Variants in HAUS2 observed in about 807,000 individuals in gnomAD.
HAUS2 encodes HAUS augmin like complex subunit 2, also known as HAUS augmin-like complex subunit 2.
HAUS2 carries 20 observed loss-of-function variants against 21.6 expected under a neutral mutation model. The observed-to-expected ratio is 0.93, with a 90% CI of 0.65 to 1.35. The LOEUF (loss-of-function observed/expected upper bound fraction) is 1.35. Among genes scored for constraint, HAUS2 ranks in the 40% most tolerant of loss-of-function variants. The pLI, the probability that HAUS2 is intolerant of heterozygous loss-of-function variation, is 0.00. For synonymous variants in HAUS2, 113 were observed against 95.6 expected, an observed-to-expected ratio of 1.18 and a Z score of -1.06; for missense variants, 297 against 280.7, an observed-to-expected ratio of 1.06 and a Z score of -0.42.
intron 5 of HAUS2, 58 bp downstream of exon 5, chr15:42,563,915 C>T (rs1022483373): frequency 1.3e-5 from 11 of 818,098 alleles, no homozygotes; most frequent in Non-Finnish European, 2.1e-5. Flanking sequence ...GAGGTGTGCT[C>T]TCCCAGTTTA....
intron 5 of HAUS2, among the ~76,000 whole-genome samples, chr15:42,565,745 A>G (rs1289405859): frequency 6.6e-6 from 1 of 152,218 alleles, no homozygotes; most frequent in Non-Finnish European, 1.5e-5. Flanking sequence ...ACCGTCATTC[A>G]GATAAAAGAT....
intron 3 of HAUS2, chr15:42,560,990 A>G (rs764745433): frequency 2.4e-5 from 14 of 592,662 alleles, no homozygotes; most frequent in Non-Finnish European, 4.2e-5. Flanking sequence ...TAAGAACTGA[A>G]TAAGAAGTAG....
chr15:42,560,838 C>T lies in HAUS2; in HGVS notation c.257-432C>T, dbSNP rs947628548. 2.0e-5 allele frequency: 14 copies of T among 702,002 alleles called. No homozygotes were observed. In the African/African-American group the frequency reaches 2.4e-4, roughly 12 times the overall value. 43.5% of individuals were successfully genotyped at this position (702,002 alleles called of 1,614,324 possible). ...TCTCGAACTCATGGCCTCAATTCTCCCGTTTCAGTCTCCCAAAACACTGCG... is the reference window on the plus strand; with the variant it reads ...TCTCGAACTCATGGCCTCAATTCTCTCGTTTCAGTCTCCCAAAACACTGCG... On this transcript the variant is annotated intron_variant, in intron 3 of 5. Transcript: ENST00000260372.
rs1443720648 is a variant in HAUS2 at position 42,561,013 on chromosome 15, CAG to C, written c.257-253_257-252del. 1.4e-5 allele frequency: 8 copies of C among 576,526 alleles called. No homozygotes were observed. The East Asian group carries it at 1.7e-4, about 12-fold the overall frequency. The allele number at this position is 576,526 out of a possible 1,614,324, so 35.7% of individuals were successfully genotyped here. On this transcript the variant is annotated intron_variant, in intron 3 of 5. Transcript: ENST00000260372. ...GAATAAGAAGTAGAGATGAGAAACA[CAG>C]AGAAAGAATTTAGCACTAGATTTGG...
At chr15:42,563,999 T>C (rs1162696735) in intron 5 of HAUS2, 142 bp downstream of exon 5, 2 of 588,492 alleles carry the variant, frequency 3.4e-6, no homozygotes, top group Non-Finnish European at 3.0e-6. Context: ...GGCATGGTAG[T>C]TCACACCTGT....
At chr15:42,549,833 G>A (rs1457946575) in intron 1 of HAUS2, among the ~76,000 whole-genome samples, 2 of 148,436 alleles carry the variant, frequency 1.3e-5, no homozygotes, top group African/African-American at 2.5e-5. Context: ...AATGGAGGAA[G>A]AGATTAATTT....
At chr15:42,562,243 G>A (rs1376516997) in intron 4 of HAUS2, among the ~76,000 whole-genome samples, 1 of 152,132 alleles carries the variant, frequency 6.6e-6, no homozygotes, top group Non-Finnish European at 1.5e-5. Flanking sequence ...AGTATCTTAA[G>A]TGTCAGATTT....
chr15:42,568,756 C>T lies in HAUS2; in HGVS notation c.*1940C>T, dbSNP rs2057931442. 1 of 152,194 alleles carries T rather than the reference C, an allele frequency of 6.6e-6. No homozygotes were observed. The highest frequency in any genetic ancestry group is 2.4e-5 in the African/African-American group (1 of 41,442). 9.4% of individuals were successfully genotyped at this position (152,194 alleles called of 1,614,324 possible). A position where few individuals can be genotyped will look rare whatever the true frequency, so the allele number is the denominator to read the frequency against. On this transcript the variant is annotated 3_prime_UTR_variant, in exon 6 of 6. Coordinates refer to ENST00000260372, the MANE Select transcript of HAUS2 (RefSeq NM_018097.3). ...TTTCCCTGGTAAACAACATTTCTCA[C>T]ATGTTGTCACAATTCAGTTGCTGGT... is the stretch of plus-strand genomic sequence containing the variant.
At chr15:42,558,124 A>G (rs929614381) in intron 1 of HAUS2, 74 bp from the exon 2 acceptor site, 5 of 692,820 alleles carry the variant, frequency 7.2e-6, no homozygotes, top group African/African-American at 3.7e-5. Context: ...ATTTTAGACT[A>G]TGGGCATGCT....
intron 1 of HAUS2, among the ~76,000 whole-genome samples, chr15:42,550,432 C>T (rs2141588357): frequency 6.6e-6 from 1 of 152,224 alleles, no homozygotes; most frequent in East Asian, 1.9e-4. Context: ...AGAAACTTGC[C>T]CATGGTCACT....
chr15:42,549,023 CTG>C, intron 1 of HAUS2, 58 bp downstream of exon 1: 2 of 1,100,678 alleles, frequency 1.8e-6, no homozygotes, highest in Non-Finnish European at 2.7e-6. Flanking sequence ...AACAATATGG[CTG>C]TGAGTTGGTG....
chr15:42,565,386 AATGT>A (rs2057896036), intron 5 of HAUS2, among the ~76,000 whole-genome samples: 2 of 77,342 alleles, frequency 2.6e-5, no homozygotes. Context: ...GGAGCCATTG[AATGT>A]GTGTGTGTGT....
At chr15:42,561,532 T>A (rs1026636614) in intron 4 of HAUS2, 130 bp downstream of exon 4, 1 of 616,486 alleles carries the variant, frequency 1.6e-6, no homozygotes, top group Non-Finnish European at 2.9e-6. Flanking sequence ...AATGGTGATA[T>A]ATTAAATCAG....
In HAUS2 at chr15:42,564,048, T is replaced by C. The variant is rs1414043075; in HGVS notation, c.498+191T>C. On this transcript the variant is annotated intron_variant, in intron 5 of 5. Coordinates refer to ENST00000260372, the MANE Select transcript of HAUS2 (RefSeq NM_018097.3). ...TGGGAGGCCACAACGGGTGGATCACTTGAGGTCAGGAGTTGGAGACCAGCC... is the reference window on the plus strand; with the variant it reads ...TGGGAGGCCACAACGGGTGGATCACCTGAGGTCAGGAGTTGGAGACCAGCC... 2.0e-5 allele frequency among the ~76,000 whole-genome samples: 3 copies of C among 152,092 alleles called. 1 individual carries two copies. In the South Asian group the frequency reaches 6.2e-4, roughly 32 times the overall value.
chr15:42,557,753 T>G (rs1433461005), intron 1 of HAUS2, among the ~76,000 whole-genome samples: 1 of 151,830 alleles, frequency 6.6e-6, no homozygotes, highest in East Asian at 1.9e-4. Flanking sequence ...ATGAATGACT[T>G]GTAGGCAACT....
intron 2 of HAUS2, among the ~76,000 whole-genome samples, chr15:42,558,618 C>T (rs1454453216): frequency 2.6e-5 from 4 of 151,860 alleles, no homozygotes; most frequent in South Asian, 2.1e-4. Context: ...TGAGCCACTG[C>T]GCCCGGCCTG....
intron 1 of HAUS2, among the ~76,000 whole-genome samples, chr15:42,555,977 C>T (rs920820356): frequency 1.3e-5 from 2 of 152,052 alleles, no homozygotes; most frequent in South Asian, 2.1e-4. Context: ...GACGGAGTTT[C>T]GCTCTGTCAC....
In HAUS2 at chr15:42,561,286, T is replaced by G; in HGVS notation, c.273T>G (p.Thr91=). 6.4e-7 allele frequency: 1 copy of G among 1,558,482 alleles called. No individual in the cohort carries two copies. Among genetic ancestry groups the G allele is most frequent in the Non-Finnish European group, 8.9e-7 (1 of 1,129,570 alleles). The part of the protein sequence containing the change: ...HPFFLAQKCH[T]LQSMNNHLEA... Reference sequence around the variant, plus strand: ...TTTGTATAGCTCAGAAGTGTCATACTCTGCAAAGCATGAATAATCATTTGG... The same window carrying G: ...TTTGTATAGCTCAGAAGTGTCATACGCTGCAAAGCATGAATAATCATTTGG... The change falls in exon 4 of 6, where the codon ACT becomes ACG. Residue 91 remains threonine, a synonymous_variant. Transcript: ENST00000260372.
At chr15:42,549,050 A>G (rs1595542383) in intron 1 of HAUS2, 85 bp downstream of exon 1, 1 of 880,320 alleles carries the variant, frequency 1.1e-6, no homozygotes, top group Non-Finnish European at 1.8e-6. Flanking sequence ...TGGCTGTGGG[A>G]GTGGTGAGGG....
Sources: gnomAD v4.1 joint callset for allele counts (sites outside exome capture counted in the v4.1 genomes callset) on GRCh38, gnomAD v4.1.1 for gene constraint, MANE v1.5 for transcripts, NCBI Gene and HGNC (gene_info 2026-07-23, HGNC 2026-07-21) for gene names.